DGKB: variants seen among roughly 807,000 people sequenced by gnomAD.
The protein encoded by DGKB is diacylglycerol kinase beta.
Under a neutral mutation model 114.3 loss-of-function variants are expected in DGKB, and 67 were observed. That is an observed-to-expected ratio of 0.59 (90% CI 0.48 to 0.72). The LOEUF (loss-of-function observed/expected upper bound fraction) is 0.72. Ranked by LOEUF, DGKB falls within the 30% of genes least tolerant of loss-of-function variation. The pLI, the probability that DGKB is intolerant of heterozygous loss-of-function variation, is 0.00. For missense variants in DGKB, 907 were observed against 975.2 expected, an observed-to-expected ratio of 0.93 and a Z score of 0.93; for synonymous variants, 398 against 323.1, an observed-to-expected ratio of 1.23 and a Z score of -2.49.
chr7:14,587,446 A>G (rs1396555880), intron 17 of DGKB, among the ~76,000 whole-genome samples: 1 of 152,114 alleles, frequency 6.6e-6, no homozygotes, highest in Non-Finnish European at 1.5e-5. Flanking sequence ...TGCTGTGAAC[A>G]CTGTCGAAAT....
chr7:14,961,337 C>T (rs529335911), intron 1 of DGKB, among the ~76,000 whole-genome samples: 18 of 152,202 alleles, frequency 1.2e-4, no homozygotes, highest in African/African-American at 3.9e-4. Context: ...CTGCTGATAA[C>T]GCCAAGACTC....
chr7:14,741,996 T>G (rs1832653294), intron 4 of DGKB, among the ~76,000 whole-genome samples: 1 of 152,250 alleles, frequency 6.6e-6, no homozygotes, highest in African/African-American at 2.4e-5. Context: ...CTGAATTGTC[T>G]TCCTCCATTT....
chr7:14,653,004 A>G (rs903372624), intron 13 of DGKB, among the ~76,000 whole-genome samples: 9 of 151,830 alleles, frequency 5.9e-5, no homozygotes, highest in Middle Eastern at 6.8e-3. Context: ...GTCAGGAAAC[A>G]ACAGGTGCTG....
In DGKB at chr7:14,651,087, A is replaced by G. The variant is rs1361197134; in HGVS notation, c.1135-20819T>C. 2.7e-4 allele frequency among the ~76,000 whole-genome samples: 41 copies of G among 152,278 alleles called. No individual in the cohort carries two copies. In the South Asian group the frequency reaches 8.1e-3, roughly 30 times the overall value. ...AGAGGTACAAGGAGGAGCTGGTACC[A>G]TTCCTTCTGAAACTATTCCAATCAA... On this transcript the variant is annotated intron_variant, in intron 13 of 25. Transcript: ENST00000402815.
rs185676690 is a variant in DGKB, at chr7:14,445,435, A to T, written c.1835+32726T>A. 9.2e-5 allele frequency among the ~76,000 whole-genome samples: 14 copies of T among 152,096 alleles called. No individual in the cohort carries two copies. The East Asian group carries it at 2.7e-3, about 29-fold the overall frequency. On this transcript the variant is annotated intron_variant, in intron 21 of 25. Transcript: ENST00000402815. ...AGAACTATCCCCCAAACTTTGCAAT[A>T]GCCCCTTTCTTTATTTGTCAGCCAT...
intron 2 of DGKB, among the ~76,000 whole-genome samples, chr7:14,811,549 A>G (rs1318251781): frequency 6.6e-6 from 1 of 152,230 alleles, no homozygotes; most frequent in African/African-American, 2.4e-5. Context: ...ATTCAACGTG[A>G]AATTCTTTTC....
chr7:14,969,182 A>T (rs779441059), intron 1 of DGKB, among the ~76,000 whole-genome samples: 1 of 152,172 alleles, frequency 6.6e-6, no homozygotes, highest in Non-Finnish European at 1.5e-5. Context: ...CTAGTATCGC[A>T]AAAAATTTAA....
At chr7:14,706,778 G>A (rs1329121122) in intron 6 of DGKB, among the ~76,000 whole-genome samples, 1 of 105,210 alleles carries the variant, frequency 9.5e-6, no homozygotes, top group Non-Finnish European at 1.9e-5. Context: ...CGAGAACAAA[G>A]ACACAACATA....
upstream of DGKB, among the ~76,000 whole-genome samples, chr7:14,904,331 C>T (rs1317304075): frequency 1.3e-5 from 2 of 152,112 alleles, no homozygotes; most frequent in South Asian, 2.1e-4. Flanking sequence ...ATTTGTAATG[C>T]ACGCCTTTAA....
At chr7:14,832,617 G>C (rs763978314) in intron 2 of DGKB, among the ~76,000 whole-genome samples, 6 of 151,918 alleles carry the variant, frequency 3.9e-5, no homozygotes, top group Non-Finnish European at 7.4e-5. Context: ...CTCATTTTTT[G>C]AAAACATGTT....
chr7:14,656,162 T>C (rs995025254), intron 13 of DGKB, among the ~76,000 whole-genome samples: 2 of 151,674 alleles, frequency 1.3e-5, no homozygotes, highest in East Asian at 3.9e-4. Flanking sequence ...AAAATTATTA[T>C]GGTAACTATA....
At chr7:14,618,545 T>C (rs1037277602) in intron 15 of DGKB, among the ~76,000 whole-genome samples, 1 of 151,598 alleles carries the variant, frequency 6.6e-6, no homozygotes, top group Non-Finnish European at 1.5e-5. Flanking sequence ...TAATTTTATA[T>C]CTCTTGCATG....
At chr7:14,902,271 CT>C (rs1783213893) in intron 1 of DGKB, among the ~76,000 whole-genome samples, 3 of 152,172 alleles carry the variant, frequency 2.0e-5, no homozygotes, top group Non-Finnish European at 4.4e-5. Context: ...AGACAAGCTG[CT>C]ATCTCATTGG....
chr7:14,534,987 G>A (rs1295255211), intron 20 of DGKB, among the ~76,000 whole-genome samples: 6 of 152,050 alleles, frequency 3.9e-5, no homozygotes, highest in Non-Finnish European at 7.4e-5. Context: ...AATATCATGA[G>A]ACAAAAATGA....
At chr7:14,697,974 A>T in intron 8 of DGKB, 121 bp downstream of exon 8, 1 of 643,924 alleles carries the variant, frequency 1.6e-6, no homozygotes, top group South Asian at 1.8e-5. Flanking sequence ...GGAAAGAAAG[A>T]AAGAAAGAGA....
At chr7:14,919,095 A>ACAAACACAC (rs1554345122) in intron 1 of DGKB, among the ~76,000 whole-genome samples, 71 of 114,970 alleles carry the variant, frequency 6.2e-4, no homozygotes, top group Middle Eastern at 4.6e-3. Context: ...CACACACACA[A>ACAAACACAC]ACACACACAC....
intron 2 of DGKB, among the ~76,000 whole-genome samples, chr7:14,775,145 T>C (rs1217976540): frequency 6.6e-6 from 1 of 151,936 alleles, no homozygotes; most frequent in Non-Finnish European, 1.5e-5. Context: ...ATTACGAAAA[T>C]GGAATTAGGG....
At chr7:14,876,944 T>C (rs910966387) in intron 1 of DGKB, among the ~76,000 whole-genome samples, 2 of 152,208 alleles carry the variant, frequency 1.3e-5, no homozygotes, top group Admixed American at 6.5e-5. Flanking sequence ...AAATTCTGTT[T>C]ACAGAAAAGA....
chr7:14,662,515 C>A (rs1817329355), intron 13 of DGKB, among the ~76,000 whole-genome samples: 1 of 151,812 alleles, frequency 6.6e-6, no homozygotes, highest in Admixed American at 6.6e-5. Flanking sequence ...CAGAAGAAAC[C>A]ATTCTTCATA....
Sources: allele counts gnomAD v4.1 joint callset (sites outside exome capture counted in the v4.1 genomes callset), GRCh38; gene constraint gnomAD v4.1.1; transcripts MANE v1.5; gene names NCBI Gene and HGNC (gene_info 2026-07-23, HGNC 2026-07-21).